The following ECE1 variants were observed in gnomAD, a reference collection of about 807,000 sequenced individuals.
ECE1 encodes endothelin-converting enzyme 1.
ECE1 carries 35 observed loss-of-function variants against 98.6 expected under a neutral mutation model. The ratio of observed to expected loss-of-function variants is 0.35; its 90% CI spans 0.27 to 0.47. ECE1 has a LOEUF of 0.47. ECE1 is among the 20% of genes least tolerant of loss of function. The pLI, the probability that ECE1 is intolerant of heterozygous loss-of-function variation, is 1.00. For missense variants in ECE1, 814 were observed against 1,025.3 expected (o/e 0.79, Z 2.81); for synonymous variants, 394 against 407.1 (o/e 0.97, Z 0.39).
upstream of ECE1, chr1:21,293,193 G>A (rs976362476): frequency 6.6e-6 from 1 of 152,132 alleles, no homozygotes; most frequent in East Asian, 1.9e-4. Context: ...TGAGGCTTGG[G>A]GAAGTTAACT....
Position 21,258,963 on chromosome 1 carries a change from A to C in ECE1, c.616-124T>G. ...AGTCGCCTGACCTCTCTGAGCCTCA[A>C]GAGCAAAGGAAAGGATTGGTCTTCA... On this transcript the variant is annotated intron_variant, in intron 5 of 18. Transcript: ENST00000374893. The surrounding 1 kb of genome is among the most constrained non-coding windows in gnomAD (Gnocchi z 4.2). 7.4e-7 allele frequency: 1 copy of C among 1,360,078 alleles called. No homozygotes were observed. Among genetic ancestry groups the C allele is most frequent in the Non-Finnish European group, 1.0e-6 (1 of 991,768 alleles). The allele number at this position is 1,360,078 out of a possible 1,614,324, so 84.3% of individuals were successfully genotyped here. A position where few individuals can be genotyped will look rare whatever the true frequency, so the allele number is the denominator to read the frequency against.
intron 2 of ECE1, among the ~76,000 whole-genome samples, chr1:21,281,437 G>A (rs1569638040): frequency 6.6e-6 from 1 of 152,322 alleles, no homozygotes; most frequent in African/African-American, 2.4e-5. Context: ...CTGGTATGAT[G>A]CTAACATGTA....
intron 1 of ECE1, among the ~76,000 whole-genome samples, chr1:21,330,827 T>C (rs1639185967): frequency 6.6e-6 from 1 of 152,206 alleles, no homozygotes; most frequent in African/African-American, 2.4e-5. Context: ...CCTGAGCTGA[T>C]GCTGAACACA....
intron 1 of ECE1, among the ~76,000 whole-genome samples, chr1:21,342,125 C>A (rs1222660735): frequency 6.6e-6 from 1 of 152,158 alleles, no homozygotes; most frequent in Non-Finnish European, 1.5e-5. Flanking sequence ...GGGCCCTGTT[C>A]TCAACTCAAC....
At chr1:21,236,203 T>C (rs1441095408) in intron 12 of ECE1, among the ~76,000 whole-genome samples, 1 of 152,266 alleles carries the variant, frequency 6.6e-6, no homozygotes, top group Non-Finnish European at 1.5e-5. Context: ...CGGGACGTGC[T>C]GCGTTTTCCT....
At chr1:21,245,259 C>T (rs553270456) in intron 9 of ECE1, among the ~76,000 whole-genome samples, 156 bp from the exon 10 acceptor site, 257 of 152,292 alleles carry the variant, frequency 1.7e-3, no homozygotes, top group Middle Eastern at 3.4e-3. Flanking sequence ...TCCCTAAGCA[C>T]GTGCAATGTA....
chr1:21,296,229 C>T (rs1395873708), intron 1 of ECE1, among the ~76,000 whole-genome samples: 1 of 151,982 alleles, frequency 6.6e-6, no homozygotes, highest in Non-Finnish European at 1.5e-5. Flanking sequence ...AATCATGTAC[C>T]CTTCAGCCGG....
At chr1:21,236,702 G>T (rs1292755733) in intron 12 of ECE1, 44 bp downstream of exon 12, 1 of 1,573,630 alleles carries the variant, frequency 6.4e-7, no homozygotes, top group Admixed American at 1.7e-5. Flanking sequence ...CTCTATCTGT[G>T]CTGGACGCCG....
At position 21,260,529 on chromosome 1, in the gene ECE1, A is replaced by G; in HGVS notation, c.494-137T>C. ...ACATCTGCCTGTCGGAGTGGCAGTGAGGAATGCCGTCACCGTGAGTATGTG... is the reference window on the plus strand; with the variant it reads ...ACATCTGCCTGTCGGAGTGGCAGTGGGGAATGCCGTCACCGTGAGTATGTG... On this transcript the variant is annotated intron_variant, in intron 4 of 18. Transcript: ENST00000374893. This position sits in a 1 kb window ranked among gnomAD's most constrained non-coding sequence, Gnocchi z 4.3. 1 of 1,158,516 alleles carries G rather than the reference A, an allele frequency of 8.6e-7. No homozygotes were observed. The highest frequency in any genetic ancestry group is 1.3e-6 in the Non-Finnish European group (1 of 781,930). 71.8% of individuals were successfully genotyped at this position (1,158,516 alleles called of 1,614,324 possible).
At chr1:21,259,657 G>A (rs2098224225) in intron 5 of ECE1, among the ~76,000 whole-genome samples, 6 of 152,182 alleles carry the variant, frequency 3.9e-5, no homozygotes, top group Admixed American at 3.9e-4. Flanking sequence ...CTTTCCTGGA[G>A]CCAAGCTAAG....
chr1:21,221,718 T>G, intron 18 of ECE1, 29 bp downstream of exon 18: 1 of 1,604,690 alleles, frequency 6.2e-7, no homozygotes, highest in Non-Finnish European at 8.5e-7. Flanking sequence ...GAATGTACCA[T>G]GTGTGGCATG....
At chr1:21,267,175 G>C (rs1005793451) in intron 4 of ECE1, 2 of 152,324 alleles carry the variant, frequency 1.3e-5, no homozygotes, top group Non-Finnish European at 2.9e-5. Flanking sequence ...AACAGACACT[G>C]AACAAGCCCG....
At chr1:21,249,958 T>TTA (rs2098210113) in intron 8 of ECE1, among the ~76,000 whole-genome samples, 1 of 149,690 alleles carries the variant, frequency 6.7e-6, no homozygotes, top group Non-Finnish European at 1.5e-5. Context: ...TTTTTTTTTT[T>TTA]AATAGAGACG....
At chr1:21,254,839 A>G (rs1049046415) in intron 8 of ECE1, among the ~76,000 whole-genome samples, 1 of 152,142 alleles carries the variant, frequency 6.6e-6, no homozygotes, top group Non-Finnish European at 1.5e-5. Context: ...CACCAGCAGG[A>G]GGCCAGGCTC....
At chr1:21,314,871 A>G (rs570829706) in intron 1 of ECE1, among the ~76,000 whole-genome samples, 3 of 152,368 alleles carry the variant, frequency 2.0e-5, no homozygotes, top group Non-Finnish European at 4.4e-5. Context: ...CTAGTCCAGG[A>G]CGCATAGAAA....
rs551645595 is a variant in ECE1, at chr1:21,235,403, GC to G, written c.1566+446del. ...CGGGTTTCTGGGGAGGTGGAGGAGGGCCGCAGGGACAGGAGGTAACTGGAAG... is the reference window on the plus strand; with the variant it reads ...CGGGTTTCTGGGGAGGTGGAGGAGGGCGCAGGGACAGGAGGTAACTGGAAG... On this transcript the variant is annotated intron_variant, in intron 13 of 18. Coordinates refer to ENST00000374893, the MANE Select transcript of ECE1 (RefSeq NM_001397.3). The surrounding 1 kb of genome is among the most constrained non-coding windows in gnomAD (Gnocchi z 4.2). 6.7e-4 allele frequency among the ~76,000 whole-genome samples: 102 copies of G among 152,342 alleles called. No individual in the cohort carries two copies. In the East Asian group the frequency reaches 0.019, roughly 28 times the overall value.
chr1:21,265,663 C>T (rs1318257679), intron 4 of ECE1, among the ~76,000 whole-genome samples: 5 of 152,192 alleles, frequency 3.3e-5, no homozygotes, highest in South Asian at 4.2e-4. Flanking sequence ...GTGCTCGTCT[C>T]GGTATCTTTT....
At chr1:21,335,170 C>A (rs1639282045) in intron 1 of ECE1, among the ~76,000 whole-genome samples, 1 of 152,036 alleles carries the variant, frequency 6.6e-6, no homozygotes, top group Non-Finnish European at 1.5e-5. Context: ...TCTCATCTCC[C>A]CCGCCCCCGT....
At position 21,256,066 on chromosome 1, in the gene ECE1, G is replaced by T; in HGVS notation, c.901C>A (p.Arg301=). The T allele has an allele frequency of 6.2e-7, 1 of 1,611,538 alleles. No individual in the cohort carries two copies. The change falls in exon 8 of 19, where the codon CGG becomes AGG. Residue 301 remains arginine, a synonymous_variant. Coordinates refer to ENST00000374893, the MANE Select transcript of ECE1 (RefSeq NM_001397.3). ...TCCAAGATCTGCTGCATCTGGGGCC[G>T]GATGGCCTCCTCGTCCCCGCCGCCC... ...LLGGGDEEAI[R]PQMQQILDFE...
Sources: allele counts gnomAD v4.1 joint callset (sites outside exome capture counted in the v4.1 genomes callset), GRCh38; gene constraint gnomAD v4.1.1; non-coding constraint Gnocchi (gnomAD v3.1); transcripts MANE v1.5; gene names NCBI Gene and HGNC (gene_info 2026-07-23, HGNC 2026-07-21).